Variants in TMEM43 observed in about 807,000 individuals in gnomAD.
TMEM43 encodes arrhythmogenic right ventricular dysplasia 5.
In TMEM43, 45 loss-of-function variants were observed where a neutral mutation model predicts 49.6. The ratio of observed to expected loss-of-function variants is 0.91; its 90% CI spans 0.71 to 1.16. The LOEUF is 1.16. Ranked by LOEUF, TMEM43 falls within the 50% of genes most tolerant of loss-of-function variation. TMEM43 has a pLI of 0.00. For missense variants in TMEM43, 532 were observed against 516.6 expected (o/e 1.03, Z -0.29); for synonymous variants, 199 against 207.8 (o/e 0.96, Z 0.36).
Position 14,136,359 on chromosome 3 carries a change from T to G in TMEM43, c.882+451T>G, listed in dbSNP as rs535388670. 5.3e-5 allele frequency among the ~76,000 whole-genome samples: 8 copies of G among 152,314 alleles called. No homozygotes were observed. In the South Asian group the frequency reaches 1.7e-3, roughly 32 times the overall value. On this transcript the variant is annotated intron_variant, in intron 10 of 11. Coordinates refer to ENST00000306077, the MANE Select transcript of TMEM43 (RefSeq NM_024334.3). ...TGCTGAGTCTGTCATGAACCCTCAG[T>G]GTGCAGGACTGTGCTAGGCACTAAA...
chr3:14,131,703 G>C (rs1695098445), intron 4 of TMEM43, 29 bp downstream of exon 4: 2 of 1,534,684 alleles, frequency 1.3e-6, no homozygotes, highest in East Asian at 2.2e-5. Flanking sequence ...AACTCTGTTG[G>C]GGTAAAGGAG....
At chr3:14,136,088 A>G in intron 10 of TMEM43, 180 bp downstream of exon 10, 1 of 713,104 alleles carries the variant, frequency 1.4e-6, no homozygotes, top group East Asian at 2.7e-5. Context: ...TTCAGATTCC[A>G]GATTTTTTTG....
In TMEM43 at chr3:14,142,940, C is replaced by T. The variant is rs559269403; in HGVS notation, c.*1145C>T. The T allele has an allele frequency of 6.6e-6, 1 of 152,218 alleles. No homozygotes were observed. The allele number at this position is 152,218 out of a possible 1,614,324, so 9.4% of individuals were successfully genotyped here. A position where few individuals can be genotyped will look rare whatever the true frequency, so the allele number is the denominator to read the frequency against. On this transcript the variant is annotated 3_prime_UTR_variant, in exon 12 of 12. Transcript: ENST00000306077. ...CGTCAACCACAATCAAGAACTGAGG[C>T]CTGAGGCTGGTTGTACAATGCCCAC...
Position 14,143,657 on chromosome 3 carries a change from T to G in TMEM43, c.*1862T>G, listed in dbSNP as rs1695286089. On this transcript the variant is annotated 3_prime_UTR_variant, in exon 12 of 12. Transcript: ENST00000306077. ...TATCATTGTATTTTTTATTAAAAGT[T>G]TTGTAATAAATTTCTAAATTATCTT... 6.6e-6 allele frequency: 1 copy of G among 152,204 alleles called. No homozygotes were observed. The highest frequency in any genetic ancestry group is 2.1e-4 in the South Asian group (1 of 4,832). The allele number at this position is 152,204 out of a possible 1,614,324, so 9.4% of individuals were successfully genotyped here.
rs1443024499 is a variant in TMEM43, at chr3:14,141,845, CCT to C, written c.*56_*57del. On this transcript the variant is annotated 3_prime_UTR_variant, in exon 12 of 12. Transcript: ENST00000306077. ...CCTGCGTGAGCCCTAGGATCCAGGTCCTCTCTCACCTCTGACCCAGCTCCATG... is the reference window on the plus strand; with the variant it reads ...CCTGCGTGAGCCCTAGGATCCAGGTCCTCTCACCTCTGACCCAGCTCCATG... 3.9e-6 allele frequency: 6 copies of C among 1,547,384 alleles called. No individual in the cohort carries two copies. The highest frequency in any genetic ancestry group is 1.2e-5 in the South Asian group (1 of 86,644).
At chr3:14,133,192 G>A (rs1039635203) in intron 6 of TMEM43, among the ~76,000 whole-genome samples, 3 of 152,184 alleles carry the variant, frequency 2.0e-5, no homozygotes, top group Admixed American at 6.5e-5. Flanking sequence ...TTGCACACAC[G>A]GGGCCGGGGA....
intron 1 of TMEM43, among the ~76,000 whole-genome samples, chr3:14,128,113 A>T (rs1396322911): frequency 6.6e-6 from 1 of 152,168 alleles, no homozygotes; most frequent in African/African-American, 2.4e-5. Context: ...GGAAGGCACA[A>T]AGTGGTGAAG....
intron 11 of TMEM43, among the ~76,000 whole-genome samples, chr3:14,139,815 T>G (rs1695224172): frequency 6.6e-6 from 1 of 152,188 alleles, no homozygotes; most frequent in South Asian, 2.1e-4. Flanking sequence ...CCAGCAAGTC[T>G]GGAGCATGAA....
At chr3:14,135,309 C>CA in intron 9 of TMEM43, 77 bp downstream of exon 9, 1 of 1,269,802 alleles carries the variant, frequency 7.9e-7, no homozygotes, top group South Asian at 1.2e-5. Context: ...TGGTCAATGT[C>CA]AGGAGCGCTT....
intron 11 of TMEM43, among the ~76,000 whole-genome samples, chr3:14,140,302 C>G (rs927215158): frequency 6.6e-6 from 1 of 152,080 alleles, no homozygotes; most frequent in Non-Finnish European, 1.5e-5. Context: ...AGACCAGTTC[C>G]CTTCTGGAGC....
At chr3:14,128,175 C>G (rs1346469380) in intron 1 of TMEM43, among the ~76,000 whole-genome samples, 4 of 152,144 alleles carry the variant, frequency 2.6e-5, no homozygotes, top group Non-Finnish European at 1.5e-5. Context: ...AAATGCAAAC[C>G]CAGTTCTTCT....
chr3:14,134,943 C>G (rs757311493), intron 8 of TMEM43, 52 bp downstream of exon 8: 69 of 1,612,262 alleles, frequency 4.3e-5, no homozygotes, highest in Non-Finnish European at 5.7e-5. Context: ...GCGCTAGGAT[C>G]AGGTTCCTGC....
In TMEM43 at chr3:14,141,586, T is replaced by C. The variant is rs781382808; in HGVS notation, c.1001-7T>C. ...GTGGCACCTCATCACCTTTCTCCTT[T>C]CCACAGTGGACTGGTTTCCTGTTTT... is the stretch of plus-strand genomic sequence containing the variant. On this transcript the variant is annotated splice_polypyrimidine_tract_variant and splice_region_variant and intron_variant, in intron 11 of 11. Coordinates refer to ENST00000306077, the MANE Select transcript of TMEM43 (RefSeq NM_024334.3). 5 of 1,614,074 alleles carry C rather than the reference T, an allele frequency of 3.1e-6. No individual in the cohort carries two copies. The Admixed American group carries it at 5.0e-5, about 16-fold the overall frequency.
At position 14,127,352 on chromosome 3, in the gene TMEM43, T is replaced by G. The variant is rs980585396; in HGVS notation, c.13-2060T>G. 7.9e-5 allele frequency among the ~76,000 whole-genome samples: 12 copies of G among 152,224 alleles called. No homozygotes were observed. In the East Asian group the frequency reaches 1.5e-3, roughly 20 times the overall value. Reference sequence around the variant, plus strand: ...TCTTCCTTCCCTCCAAGGCCGTCTTTGAGCCCCTTATCTTGATGCTGGCTG... The same window carrying G: ...TCTTCCTTCCCTCCAAGGCCGTCTTGGAGCCCCTTATCTTGATGCTGGCTG... On this transcript the variant is annotated intron_variant, in intron 1 of 11. Transcript: ENST00000306077.
chr3:14,127,664 C>T lies in TMEM43; in HGVS notation c.13-1748C>T, dbSNP rs118082485. On this transcript the variant is annotated intron_variant, in intron 1 of 11. Coordinates refer to ENST00000306077, the MANE Select transcript of TMEM43 (RefSeq NM_024334.3). ...CCTGTGGGCTGGCCTGTGATAGACC[C>T]GGTGTGTTTGCCATTGTCATCATTG... 1.6e-4 allele frequency among the ~76,000 whole-genome samples: 25 copies of T among 152,306 alleles called. 1 individual carries two copies. The highest frequency in any genetic ancestry group is 3.9e-4 in the Admixed American group (6 of 15,298).
At chr3:14,127,131 C>T (rs1028924351) in intron 1 of TMEM43, among the ~76,000 whole-genome samples, 4 of 151,686 alleles carry the variant, frequency 2.6e-5, no homozygotes, top group Admixed American at 2.0e-4. Context: ...TCTGTGTGTG[C>T]GTGTGTGTGT....
At chr3:14,136,775 GCTAC>G (rs1337025341) in intron 10 of TMEM43, among the ~76,000 whole-genome samples, 5 of 137,244 alleles carry the variant, frequency 3.6e-5, no homozygotes, top group Non-Finnish European at 7.4e-5. Flanking sequence ...TTGGGCCTCA[GCTAC>G]CTGAGTATCC....
chr3:14,125,229 G>A (rs747502348), intron 1 of TMEM43, 24 bp downstream of exon 1: 54 of 1,602,196 alleles, frequency 3.4e-5, no homozygotes, highest in Non-Finnish European at 4.4e-5. Context: ...GGCCAGCCGG[G>A]CCACACCCAG....
intron 1 of TMEM43, chr3:14,128,852 C>T (rs1260367960): frequency 2.3e-6 from 1 of 430,972 alleles, no homozygotes; most frequent in Non-Finnish European, 4.6e-6. Flanking sequence ...TTATTCATAA[C>T]AGCCAAAACC....
Sources: gnomAD v4.1 joint callset for allele counts (sites outside exome capture counted in the v4.1 genomes callset) on GRCh38, gnomAD v4.1.1 for gene constraint, MANE v1.5 for transcripts, NCBI Gene and HGNC (gene_info 2026-07-23, HGNC 2026-07-21) for gene names.